Variants in MAD1L1 observed in about 807,000 individuals in gnomAD.
The protein encoded by MAD1L1 is mitotic spindle assembly checkpoint protein MAD1.
A neutral mutation model predicts 96.9 loss-of-function variants in MAD1L1; 95 were observed. The ratio of observed to expected loss-of-function variants is 0.98; its 90% CI spans 0.83 to 1.16. The LOEUF (loss-of-function observed/expected upper bound fraction) is 1.16, where lower values mean the gene tolerates loss of function less well. Among genes scored for constraint, MAD1L1 ranks in the 50% most tolerant of loss-of-function variants. The pLI, the probability that MAD1L1 is intolerant of heterozygous loss-of-function variation, is 0.00. For synonymous variants in MAD1L1, 473 were observed against 396.6 expected (o/e 1.19, Z -2.29); for missense variants, 1,007 against 954.4 (o/e 1.06, Z -0.73).
chr7:1,972,218 G>A (rs1298628432), intron 15 of MAD1L1, among the ~76,000 whole-genome samples: 1 of 152,164 alleles, frequency 6.6e-6, no homozygotes, highest in Non-Finnish European at 1.5e-5. Context: ...CTGTCCTTTT[G>A]TACACACATG....
At chr7:2,120,894 A>T (rs1274750396) in intron 11 of MAD1L1, among the ~76,000 whole-genome samples, 2 of 152,162 alleles carry the variant, frequency 1.3e-5, no homozygotes, top group Non-Finnish European at 2.9e-5. Context: ...TGTGGCCTCC[A>T]GGGCGGGGCG....
chr7:2,069,407 C>T (rs1785024676), intron 11 of MAD1L1, 69 bp from the exon 12 acceptor site: 2 of 1,422,994 alleles, frequency 1.4e-6, no homozygotes, highest in African/African-American at 1.4e-5. Context: ...CCCCGCCCCA[C>T]CCCAGGAACG....
At chr7:2,044,945 G>C (rs1423806062) in intron 12 of MAD1L1, among the ~76,000 whole-genome samples, 1 of 152,172 alleles carries the variant, frequency 6.6e-6, no homozygotes. Context: ...ACTCTGATGA[G>C]CAGCAGCAAC....
chr7:1,819,279 G>A (rs1391995208), intron 18 of MAD1L1, among the ~76,000 whole-genome samples: 1 of 152,160 alleles, frequency 6.6e-6, no homozygotes, highest in African/African-American at 2.4e-5. Context: ...GGCTGCCTGC[G>A]CGCAGGCTCT....
At position 1,952,092 on chromosome 7, in the gene MAD1L1, A is replaced by C. The variant is rs1779524623; in HGVS notation, c.1596+5537T>G. ...AAACTCCCATGGCAGGAATTACCTAAGTGATCACACTTTCCTTTCTCCCTA... is the reference window on the plus strand; with the variant it reads ...AAACTCCCATGGCAGGAATTACCTACGTGATCACACTTTCCTTTCTCCCTA... On this transcript the variant is annotated intron_variant, in intron 16 of 18. Coordinates refer to ENST00000265854, the MANE Select transcript of MAD1L1 (RefSeq NM_001013836.2). Among the ~76,000 whole-genome samples the C allele has an allele frequency of 2.6e-5, 4 of 152,160 alleles. No individual in the cohort carries two copies. The South Asian group carries it at 8.3e-4, about 32-fold the overall frequency.
At chr7:1,948,679 G>A (rs1282143366) in intron 16 of MAD1L1, among the ~76,000 whole-genome samples, 1 of 152,238 alleles carries the variant, frequency 6.6e-6, no homozygotes, top group Non-Finnish European at 1.5e-5. Context: ...TTCCATAGCA[G>A]AGAAAGGGCG....
chr7:2,219,657 G>A (rs1488816469), intron 5 of MAD1L1, among the ~76,000 whole-genome samples: 17 of 136,184 alleles, frequency 1.2e-4, no homozygotes, highest in African/African-American at 4.0e-4. Context: ...GGGGGCAGAT[G>A]GCAAGGGGGC....
intron 18 of MAD1L1, chr7:1,872,495 T>C (rs984968360): frequency 6.6e-6 from 1 of 152,274 alleles, no homozygotes; most frequent in African/African-American, 2.4e-5. Flanking sequence ...GTCTAGCCCA[T>C]GTCTGGCATC....
intron 13 of MAD1L1, among the ~76,000 whole-genome samples, chr7:2,010,070 G>GTTTTTTTTTTTTTT (rs56012894): frequency 1.1e-5 from 1 of 89,794 alleles, no homozygotes. Context: ...TTTTTAACAG[G>GTTTTTTTTTTTTTT]TTTTTTTTTT....
At chr7:2,047,102 A>G (rs1324817999) in intron 12 of MAD1L1, among the ~76,000 whole-genome samples, 1 of 152,212 alleles carries the variant, frequency 6.6e-6, no homozygotes, top group African/African-American at 2.4e-5. Context: ...GTCTTCGGCT[A>G]AGGCCCTCCC....
chr7:1,966,365 C>T (rs1780166106), intron 15 of MAD1L1, among the ~76,000 whole-genome samples: 1 of 152,226 alleles, frequency 6.6e-6, no homozygotes, highest in Non-Finnish European at 1.5e-5. Context: ...GAGGCAGTTC[C>T]AGCTGCTGGG....
chr7:1,816,053 G>C lies in MAD1L1; in HGVS notation c.*17C>G. The C allele has an allele frequency of 6.3e-7, 1 of 1,598,404 alleles. No individual in the cohort carries two copies. The highest frequency in any genetic ancestry group is 8.5e-7 in the Non-Finnish European group (1 of 1,171,650). ...GGCCAAGCAGAGTGGCTCCGGCTAT[G>C]CCCCCGAGCCTGCAGGCTACGCCAC... On this transcript the variant is annotated 3_prime_UTR_variant, in exon 19 of 19. Coordinates refer to ENST00000265854, the MANE Select transcript of MAD1L1 (RefSeq NM_001013836.2).
chr7:2,111,170 A>G lies in MAD1L1; in HGVS notation c.1073+37982T>C, dbSNP rs566276009. 2.6e-5 allele frequency among the ~76,000 whole-genome samples: 4 copies of G among 152,248 alleles called. No individual in the cohort carries two copies. In the South Asian group the frequency reaches 8.3e-4, roughly 32 times the overall value. ...GGAGAGAGGAGGAGCACACACACCG[A>G]GCGTCCACTGTGCCCGCCCCTCGCT... is the stretch of plus-strand genomic sequence containing the variant. On this transcript the variant is annotated intron_variant, in intron 11 of 18. Transcript: ENST00000265854.
chr7:2,001,987 G>T, intron 14 of MAD1L1, 78 bp downstream of exon 14: 1 of 1,488,702 alleles, frequency 6.7e-7, no homozygotes, highest in Non-Finnish European at 9.3e-7. Context: ...CAGCCTAAAG[G>T]CTTATGGGGA....
At chr7:2,190,724 G>C (rs1584511638) in intron 10 of MAD1L1, among the ~76,000 whole-genome samples, 1 of 152,206 alleles carries the variant, frequency 6.6e-6, no homozygotes, top group East Asian at 1.9e-4. Flanking sequence ...TTAGTCACCA[G>C]GGCAACAGGA....
chr7:2,075,743 C>T (rs916939872), intron 11 of MAD1L1, among the ~76,000 whole-genome samples: 1 of 152,192 alleles, frequency 6.6e-6, no homozygotes, highest in African/African-American at 2.4e-5. Flanking sequence ...CAAGGAACAA[C>T]GAAAGGACAC....
intron 10 of MAD1L1, among the ~76,000 whole-genome samples, chr7:2,191,091 G>A (rs1485802215): frequency 6.6e-6 from 1 of 152,200 alleles, no homozygotes; most frequent in Non-Finnish European, 1.5e-5. Flanking sequence ...GATATAACAA[G>A]GACAACCGAT....
At chr7:1,854,515 C>T (rs116052339) in intron 18 of MAD1L1, 4,461 of 368,938 alleles carry the variant, frequency 0.012, 67 homozygotes, top group African/African-American at 0.046. Context: ...GTCTGTCACA[C>T]GGGGGAAGGG....
chr7:2,217,880 C>A, intron 7 of MAD1L1, 82 bp downstream of exon 7: 2 of 1,181,448 alleles, frequency 1.7e-6, no homozygotes, highest in Non-Finnish European at 2.5e-6. Flanking sequence ...GAGCTCGGCA[C>A]CAGCGCAGAA....
Sources: allele counts gnomAD v4.1 joint callset (sites outside exome capture counted in the v4.1 genomes callset), GRCh38; gene constraint gnomAD v4.1.1; transcripts MANE v1.5; gene names NCBI Gene and HGNC (gene_info 2026-07-23, HGNC 2026-07-21).